DKK2: variants seen among roughly 807,000 people sequenced by gnomAD.
The protein encoded by DKK2 is dickkopf-related protein 2.
A neutral mutation model predicts 28.1 loss-of-function variants in DKK2; 11 were observed. The observed-to-expected ratio is 0.39, with a 90% CI of 0.25 to 0.65. DKK2 has a LOEUF of 0.65. DKK2 is among the 30% of genes least tolerant of loss of function. DKK2 has a pLI of 0.47. For missense variants in DKK2, 326 were observed against 335.5 expected (o/e 0.97, Z 0.22); for synonymous variants, 135 against 126.5 (o/e 1.07, Z -0.45).
chr4:106,939,418 G>A (rs143965719), intron 1 of DKK2, among the ~76,000 whole-genome samples: 5 of 151,986 alleles, frequency 3.3e-5, no homozygotes, highest in East Asian at 1.9e-4. Context: ...GAAGGAACTC[G>A]TCAAGGAGAA....
intron 1 of DKK2, among the ~76,000 whole-genome samples, chr4:106,951,989 T>C (rs2110347106): frequency 6.6e-6 from 1 of 152,202 alleles, no homozygotes; most frequent in South Asian, 2.1e-4. Flanking sequence ...GCCTGTTTGG[T>C]GTGGTATTGA....
intron 1 of DKK2, among the ~76,000 whole-genome samples, chr4:107,001,788 G>A (rs1723363436): frequency 6.6e-6 from 1 of 152,142 alleles, no homozygotes; most frequent in African/African-American, 2.4e-5. Context: ...TAACCTAAAA[G>A]AATGAAAGAC....
At chr4:107,016,864 T>C (rs1176809561) in intron 1 of DKK2, among the ~76,000 whole-genome samples, 1 of 151,908 alleles carries the variant, frequency 6.6e-6, no homozygotes, top group African/African-American at 2.4e-5. Context: ...ACATACTGAA[T>C]ATGAAATATT....
At chr4:106,983,958 C>T (rs1028139982) in intron 1 of DKK2, among the ~76,000 whole-genome samples, 1 of 152,110 alleles carries the variant, frequency 6.6e-6, no homozygotes, top group African/African-American at 2.4e-5. Context: ...AATGAGAGAG[C>T]CCTCGGGCTG....
intron 1 of DKK2, among the ~76,000 whole-genome samples, chr4:107,019,273 T>A (rs565876096): frequency 6.6e-6 from 1 of 152,120 alleles, no homozygotes; most frequent in African/African-American, 2.4e-5. Context: ...GGCAACACTG[T>A]CCTGTATTAA....
intron 1 of DKK2, among the ~76,000 whole-genome samples, chr4:106,965,858 T>A (rs978574759): frequency 9.5e-4 from 143 of 149,906 alleles, no homozygotes; most frequent in African/African-American, 3.4e-3. Context: ...TGGTTTTTTG[T>A]TCTTGCGATA....
At chr4:106,924,233 C>T (rs1450945807) in intron 3 of DKK2, 29 bp from the exon 4 acceptor site, 1 of 1,594,324 alleles carries the variant, frequency 6.3e-7, no homozygotes, top group Non-Finnish European at 8.5e-7. Flanking sequence ...ATAGATGTTA[C>T]CCTGACACTT....
intron 1 of DKK2, among the ~76,000 whole-genome samples, chr4:107,028,020 A>G (rs995410877): frequency 3.2e-4 from 48 of 152,146 alleles, no homozygotes; most frequent in Admixed American, 1.4e-3. Flanking sequence ...CCAAAGTGCT[A>G]GGATTACAGG....
intron 1 of DKK2, among the ~76,000 whole-genome samples, chr4:106,977,914 G>T (rs192104149): frequency 5.9e-5 from 9 of 152,100 alleles, no homozygotes. Context: ...CCTTCAGATG[G>T]GGTTTTTGTG....
intron 1 of DKK2, among the ~76,000 whole-genome samples, chr4:106,933,313 G>C (rs780486436): frequency 6.6e-6 from 1 of 152,174 alleles, no homozygotes; most frequent in African/African-American, 2.4e-5. Context: ...CTAAGTGAAG[G>C]ATTAGTTCCC....
At chr4:106,983,359 A>AGAAAGAAAGAAAGAAT (rs1560585837) in intron 1 of DKK2, among the ~76,000 whole-genome samples, 8 of 141,232 alleles carry the variant, frequency 5.7e-5, no homozygotes, top group Admixed American at 3.0e-4. Context: ...AAAGAAAGAA[A>AGAAAGAAAGAAAGAAT]GAAAGAAAGA....
chr4:107,032,365 G>A (rs4956284), intron 1 of DKK2, among the ~76,000 whole-genome samples: 59,136 of 151,764 alleles, frequency 0.39, 12,636 homozygotes, highest in Non-Finnish European at 0.5. Context: ...ACATTTTCTA[G>A]AAGTGATATT....
intron 1 of DKK2, among the ~76,000 whole-genome samples, chr4:107,007,706 G>A (rs1723457170): frequency 6.6e-6 from 1 of 152,102 alleles, no homozygotes; most frequent in South Asian, 2.1e-4. Flanking sequence ...ATCATCTGAA[G>A]ACCTTTATAA....
chr4:107,032,220 C>T (rs1035018961), intron 1 of DKK2, among the ~76,000 whole-genome samples: 5 of 151,980 alleles, frequency 3.3e-5, no homozygotes, highest in African/African-American at 1.2e-4. Flanking sequence ...TGAATACTAT[C>T]ACTCTCAATT....
At chr4:107,012,590 T>C (rs1349212154) in intron 1 of DKK2, among the ~76,000 whole-genome samples, 3 of 151,296 alleles carry the variant, frequency 2.0e-5, no homozygotes, top group Admixed American at 6.6e-5. Context: ...TACTAGTTCA[T>C]ATATCAAGTT....
intron 1 of DKK2, among the ~76,000 whole-genome samples, chr4:106,936,451 A>C (rs945852615): frequency 6.6e-6 from 1 of 152,214 alleles, no homozygotes; most frequent in Non-Finnish European, 1.5e-5. Context: ...AGCCTCCAAG[A>C]AATATGGGAC....
chr4:106,922,310 T>A lies in DKK2; in HGVS notation c.*1644A>T, dbSNP rs75440810. 6.6e-6 allele frequency: 1 copy of A among 152,250 alleles called. No homozygotes were observed. Among genetic ancestry groups the A allele is most frequent in the East Asian group, 1.9e-4 (1 of 5,190 alleles). 9.4% of individuals were successfully genotyped at this position (152,250 alleles called of 1,614,324 possible). On this transcript the variant is annotated 3_prime_UTR_variant, in exon 4 of 4. Coordinates refer to ENST00000285311, the MANE Select transcript of DKK2 (RefSeq NM_014421.3). Reference sequence around the variant, plus strand: ...AGTAAAAGAAAACTAAAAAGTGAATTGTGGTCTACAAAAGTTTAAAGTCAC... The same window carrying A: ...AGTAAAAGAAAACTAAAAAGTGAATAGTGGTCTACAAAAGTTTAAAGTCAC...
intron 1 of DKK2, among the ~76,000 whole-genome samples, chr4:106,942,226 A>G (rs1724710755): frequency 6.6e-6 from 1 of 152,144 alleles, no homozygotes; most frequent in Non-Finnish European, 1.5e-5. Flanking sequence ...GTAATCCCCA[A>G]AAGAACATAC....
intron 1 of DKK2, among the ~76,000 whole-genome samples, chr4:106,970,084 G>A (rs988248648): frequency 2.4e-4 from 37 of 152,018 alleles, no homozygotes; most frequent in African/African-American, 8.2e-4. Flanking sequence ...GCTTTTATTC[G>A]AATTCTAGTT....
Sources: allele counts gnomAD v4.1 joint callset (sites outside exome capture counted in the v4.1 genomes callset), GRCh38; gene constraint gnomAD v4.1.1; transcripts MANE v1.5; gene names NCBI Gene and HGNC (gene_info 2026-07-23, HGNC 2026-07-21).